Variants in FOXP2 observed in about 807,000 individuals in gnomAD.
FOXP2 encodes forkhead box P2.
A neutral mutation model predicts 115.8 loss-of-function variants in FOXP2; 12 were observed. That is an observed-to-expected ratio of 0.10 (90% CI 0.07 to 0.17). FOXP2 has a LOEUF of 0.17. Among genes scored for constraint, FOXP2 ranks in the 10% least tolerant of loss-of-function variants. FOXP2 has a pLI of 1.00. For missense variants in FOXP2, 629 were observed against 843.5 expected, an observed-to-expected ratio of 0.75 and a Z score of 3.15; for synonymous variants, 328 against 297.7, an observed-to-expected ratio of 1.10 and a Z score of -1.05.
At chr7:114,132,620 G>T (rs1269745169) in intron 1 of FOXP2, among the ~76,000 whole-genome samples, 1 of 88,376 alleles carries the variant, frequency 1.1e-5, no homozygotes, top group Non-Finnish European at 2.5e-5. Context: ...AGAGAGATGG[G>T]GTGGGGTTTG....
intron 2 of FOXP2, among the ~76,000 whole-genome samples, chr7:114,492,897 G>C (rs1797132718): frequency 6.6e-6 from 1 of 152,144 alleles, no homozygotes; most frequent in African/African-American, 2.4e-5. Context: ...TGTTGATTTG[G>C]GGTGGAGAGT....
intron 2 of FOXP2, among the ~76,000 whole-genome samples, chr7:114,400,155 G>C (rs1792852097): frequency 1.3e-5 from 2 of 152,036 alleles, no homozygotes; most frequent in African/African-American, 4.8e-5. Flanking sequence ...ACTGCGCCTG[G>C]CCAGAGTCAT....
chr7:114,286,733 C>G (rs1361537328), intron 1 of FOXP2, among the ~76,000 whole-genome samples: 2 of 151,960 alleles, frequency 1.3e-5, no homozygotes, highest in African/African-American at 4.8e-5. Flanking sequence ...TACCTTAATA[C>G]TTACAATTCA....
chr7:114,377,478 C>A (rs2129190828), intron 2 of FOXP2, among the ~76,000 whole-genome samples: 1 of 152,274 alleles, frequency 6.6e-6, no homozygotes, highest in Non-Finnish European at 1.5e-5. Flanking sequence ...CCATTGGGGG[C>A]ATAGGACCAT....
intron 2 of FOXP2, among the ~76,000 whole-genome samples, chr7:114,350,672 G>A (rs1363773148): frequency 6.6e-6 from 1 of 152,096 alleles, no homozygotes; most frequent in East Asian, 1.9e-4. Flanking sequence ...AAAGGTTTTT[G>A]AAGGGATCCA....
At chr7:114,167,337 G>A (rs928930311) in intron 1 of FOXP2, among the ~76,000 whole-genome samples, 8 of 152,190 alleles carry the variant, frequency 5.3e-5, no homozygotes, top group African/African-American at 1.9e-4. Context: ...ATATGAAGTG[G>A]CTGCATACTG....
At chr7:114,624,978 C>T (rs1007233017) in intron 3 of FOXP2, among the ~76,000 whole-genome samples, 1 of 151,326 alleles carries the variant, frequency 6.6e-6, no homozygotes, top group Non-Finnish European at 1.5e-5. Flanking sequence ...AATTTTCCCT[C>T]TCTCATTTTA....
chr7:114,281,629 T>TTG (rs1388609251), intron 1 of FOXP2, among the ~76,000 whole-genome samples: 2 of 152,220 alleles, frequency 1.3e-5, no homozygotes, highest in East Asian at 3.9e-4. Context: ...ATTTTTACAT[T>TTG]ATCTGACAGA....
chr7:114,535,038 A>G (rs181277264), intron 3 of FOXP2, among the ~76,000 whole-genome samples: 1 of 151,902 alleles, frequency 6.6e-6, no homozygotes, highest in East Asian at 1.9e-4. Context: ...TCTTAAAAGC[A>G]AAGTTATAGT....
intron 2 of FOXP2, among the ~76,000 whole-genome samples, chr7:114,503,754 A>C (rs1797671303): frequency 1.3e-5 from 2 of 151,360 alleles, no homozygotes; most frequent in Admixed American, 1.3e-4. Flanking sequence ...CTTTCATATT[A>C]TTTTATTCTT....
intron 2 of FOXP2, among the ~76,000 whole-genome samples, chr7:114,348,190 A>G (rs1383126715): frequency 6.6e-6 from 1 of 152,108 alleles, no homozygotes; most frequent in Non-Finnish European, 1.5e-5. Context: ...TGGTAAGTCA[A>G]ATACATTTAA....
At chr7:114,648,599 G>T (rs753701657) in intron 8 of FOXP2, among the ~76,000 whole-genome samples, 27 of 152,052 alleles carry the variant, frequency 1.8e-4, no homozygotes, top group Non-Finnish European at 3.5e-4. Context: ...TCATTAAAGA[G>T]AATTATGCAT....
chr7:114,372,789 A>G (rs894345722), intron 2 of FOXP2, among the ~76,000 whole-genome samples: 3 of 152,088 alleles, frequency 2.0e-5, no homozygotes, highest in East Asian at 1.9e-4. Flanking sequence ...GTTCTCGACA[A>G]GTAAATAATT....
chr7:114,511,316 GCACGTTCTGTA>G (rs1485492460), intron 2 of FOXP2, among the ~76,000 whole-genome samples: 1 of 152,062 alleles, frequency 6.6e-6, no homozygotes, highest in Non-Finnish European at 1.5e-5. Flanking sequence ...GAACAAGCCT[GCACGTTCTGTA>G]CATGTATCCC....
At chr7:114,408,037 A>C (rs1244243262) in intron 2 of FOXP2, among the ~76,000 whole-genome samples, 1 of 152,206 alleles carries the variant, frequency 6.6e-6, no homozygotes, top group Non-Finnish European at 1.5e-5. Context: ...ATAAAATGTA[A>C]AGCTGAATTT....
chr7:114,625,736 C>G (rs1804534036), intron 3 of FOXP2, among the ~76,000 whole-genome samples: 1 of 151,536 alleles, frequency 6.6e-6, no homozygotes, highest in Non-Finnish European at 1.5e-5. Flanking sequence ...TATTACTGAC[C>G]TTTGTTGTAG....
intron 3 of FOXP2, among the ~76,000 whole-genome samples, chr7:114,543,146 T>C (rs933086502): frequency 2.0e-5 from 3 of 152,162 alleles, no homozygotes; most frequent in African/African-American, 4.8e-5. Flanking sequence ...ATTACAAGAA[T>C]CTAACATGAT....
At chr7:114,666,320 C>A (rs1323655040) in intron 16 of FOXP2, 1 of 151,952 alleles carries the variant, frequency 6.6e-6, no homozygotes, top group African/African-American at 2.4e-5. Flanking sequence ...TTTTAATTAT[C>A]TTGCAGAATA....
At chr7:114,485,722 G>A (rs527429129) in intron 2 of FOXP2, among the ~76,000 whole-genome samples, 2 of 152,132 alleles carry the variant, frequency 1.3e-5, no homozygotes, top group East Asian at 3.9e-4. Context: ...TACTTTACAT[G>A]TACTCACTTA....
Sources: gnomAD v4.1 joint callset for allele counts (sites outside exome capture counted in the v4.1 genomes callset) on GRCh38, gnomAD v4.1.1 for gene constraint, MANE v1.5 for transcripts, NCBI Gene and HGNC (gene_info 2026-07-23, HGNC 2026-07-21) for gene names.